CNTLN: variants seen among roughly 807,000 people sequenced by gnomAD.
The protein encoded by CNTLN is centlein, centrosomal protein.
CNTLN carries 212 observed loss-of-function variants against 180.0 expected under a neutral mutation model. The ratio of observed to expected loss-of-function variants is 1.18; its 90% CI spans 1.05 to 1.32. The LOEUF is 1.32. Ranked by LOEUF, CNTLN falls within the 40% of genes most tolerant of loss-of-function variation. CNTLN has a pLI of 0.00. For synonymous variants in CNTLN, 722 were observed against 563.1 expected, an observed-to-expected ratio of 1.28 and a Z score of -3.99; for missense variants, 2,095 against 1,610.9, an observed-to-expected ratio of 1.30 and a Z score of -5.14.
At chr9:17,238,736 C>G (rs550175975) in intron 5 of CNTLN, among the ~76,000 whole-genome samples, 1 of 152,134 alleles carries the variant, frequency 6.6e-6, no homozygotes, top group African/African-American at 2.4e-5. Flanking sequence ...TCTTTTATTA[C>G]TGGGATGTCA....
chr9:17,289,773 T>A lies in CNTLN; in HGVS notation c.984-8417T>A, dbSNP rs556733441. 1.6e-3 allele frequency among the ~76,000 whole-genome samples: 225 copies of A among 144,400 alleles called. 2 individuals carry two copies. The highest frequency in any genetic ancestry group is 6.0e-3 in the African/African-American group (223 of 36,862). 94.7% of individuals were successfully genotyped at this position (144,400 alleles called of 152,430 possible). On this transcript the variant is annotated intron_variant, in intron 6 of 25. Coordinates refer to ENST00000380647, the MANE Select transcript of CNTLN (RefSeq NM_017738.4). ...TTTCATTCATTTCATCTTCCATTGC[T>A]GATACCCTTTCTTCCAGTTGATCGC...
intron 2 of CNTLN, among the ~76,000 whole-genome samples, chr9:17,181,216 G>A (rs946995574): frequency 1.3e-5 from 2 of 152,092 alleles, no homozygotes; most frequent in African/African-American, 2.4e-5. Flanking sequence ...GGTGGTGTTC[G>A]TTTTGTCTAT....
intron 2 of CNTLN, among the ~76,000 whole-genome samples, chr9:17,213,779 C>G (rs977122678): frequency 6.6e-6 from 1 of 152,140 alleles, no homozygotes; most frequent in African/African-American, 2.4e-5. Context: ...GTTAGCTCTT[C>G]TTGTTGAATT....
intron 12 of CNTLN, among the ~76,000 whole-genome samples, chr9:17,343,442 T>C (rs555646409): frequency 6.6e-6 from 1 of 152,292 alleles, no homozygotes; most frequent in African/African-American, 2.4e-5. Flanking sequence ...CATGATAACA[T>C]GTATAACTTT....
chr9:17,330,872 T>TA, intron 9 of CNTLN, 64 bp downstream of exon 9: 2 of 1,428,068 alleles, frequency 1.4e-6, no homozygotes, highest in South Asian at 2.7e-5. Flanking sequence ...GAGATGAAGT[T>TA]AAAAAACAAA....
At chr9:17,458,535 G>C (rs573012384) in intron 19 of CNTLN, among the ~76,000 whole-genome samples, 1 of 152,010 alleles carries the variant, frequency 6.6e-6, no homozygotes, top group African/African-American at 2.4e-5. Flanking sequence ...AATCATCCCT[G>C]TTAGGAGGGT....
At position 17,466,006 on chromosome 9, in the gene CNTLN, C is replaced by T; in HGVS notation, c.3557C>T (p.Ser1186Phe). Residue 1186 changes from serine (S) to phenylalanine (F), a missense_variant, in exon 22 of 26, where the codon TCC (serine) becomes TTC (phenylalanine). By Grantham distance (155) the Ser-to-Phe change is radical (BLOSUM62 -2). Transcript: ENST00000380647. Reference sequence around the variant, plus strand: ...GTAAAGACATTAACTGAAGAATGTTCCAACAAGAAGGTATCAATTGATTCA... The same window carrying T: ...GTAAAGACATTAACTGAAGAATGTTTCAACAAGAAGGTATCAATTGATTCA... ...KKVKTLTEECSNKKVSIDSLK... is the reference protein window; with the variant it reads ...KKVKTLTEECFNKKVSIDSLK... 1.2e-6 allele frequency: 2 copies of T among 1,603,806 alleles called. No individual in the cohort carries two copies. The highest frequency in any genetic ancestry group is 2.2e-5 in the South Asian group (2 of 90,136).
intron 7 of CNTLN, among the ~76,000 whole-genome samples, chr9:17,304,008 T>C (rs1308698952): frequency 1.3e-5 from 2 of 152,322 alleles, no homozygotes; most frequent in Admixed American, 1.3e-4. Flanking sequence ...CCCTTTTTCT[T>C]GCCCTTACAT....
chr9:17,392,537 A>G (rs1224254370), intron 14 of CNTLN, among the ~76,000 whole-genome samples: 1 of 152,170 alleles, frequency 6.6e-6, no homozygotes, highest in African/African-American at 2.4e-5. Context: ...TACATTGAGA[A>G]GGAACAATAC....
intron 5 of CNTLN, among the ~76,000 whole-genome samples, chr9:17,264,922 A>G (rs1827294103): frequency 6.7e-6 from 1 of 149,542 alleles, no homozygotes; most frequent in Non-Finnish European, 1.5e-5. Context: ...GTTGCTCATC[A>G]GCTTAAGGAG....
At chr9:17,411,659 T>G (rs565230699) in intron 16 of CNTLN, among the ~76,000 whole-genome samples, 2 of 152,112 alleles carry the variant, frequency 1.3e-5, no homozygotes, top group Non-Finnish European at 2.9e-5. Flanking sequence ...CATTAGACTC[T>G]CACATAAGCA....
At chr9:17,505,787 G>A (rs1048615295), downstream of CNTLN, among the ~76,000 whole-genome samples, 6 of 152,088 alleles carry the variant, frequency 3.9e-5, no homozygotes, top group African/African-American at 1.4e-4. Flanking sequence ...TTTCTAAAAT[G>A]TATATGGGAA....
At chr9:17,401,376 A>ATT (rs200584503) in intron 15 of CNTLN, among the ~76,000 whole-genome samples, 5 of 147,168 alleles carry the variant, frequency 3.4e-5, no homozygotes, top group African/African-American at 2.5e-5. Context: ...CCATATAGAG[A>ATT]TTTTTTTTTT....
At chr9:17,363,582 TATAAC>T (rs938444452) in intron 12 of CNTLN, among the ~76,000 whole-genome samples, 12 of 151,900 alleles carry the variant, frequency 7.9e-5, no homozygotes, top group African/African-American at 2.2e-4. Flanking sequence ...TTCTTGAAAT[TATAAC>T]ATACATCATT....
chr9:17,285,151 C>T (rs1476555611), intron 6 of CNTLN, among the ~76,000 whole-genome samples: 3 of 110,678 alleles, frequency 2.7e-5, no homozygotes, highest in African/African-American at 1.0e-4. Context: ...CTATCCCTCC[C>T]CCCTCCCCCC....
At chr9:17,265,907 C>T (rs184941130) in intron 5 of CNTLN, among the ~76,000 whole-genome samples, 211 of 151,848 alleles carry the variant, frequency 1.4e-3, no homozygotes, top group African/African-American at 4.8e-3. Flanking sequence ...TTTTTTATTG[C>T]ATCTATTTGA....
intron 18 of CNTLN, among the ~76,000 whole-genome samples, chr9:17,417,592 T>C (rs1828364492): frequency 6.6e-6 from 1 of 152,030 alleles, no homozygotes; most frequent in Non-Finnish European, 1.5e-5. Context: ...CAGAGGAAAA[T>C]TATAAAAGAT....
intron 8 of CNTLN, among the ~76,000 whole-genome samples, chr9:17,318,991 T>C (rs1039871299): frequency 1.3e-5 from 2 of 152,160 alleles, no homozygotes; most frequent in Admixed American, 6.5e-5. Flanking sequence ...ATCTTATAGA[T>C]AGGAATGCAG....
chr9:17,365,179 C>T lies in CNTLN; in HGVS notation c.1887-1438C>T, dbSNP rs549793826. Among the ~76,000 whole-genome samples, 7 of 152,222 alleles carry T rather than the reference C, an allele frequency of 4.6e-5. No individual in the cohort carries two copies. The East Asian group carries it at 5.8e-4, about 13-fold the overall frequency. On this transcript the variant is annotated intron_variant, in intron 12 of 25. Coordinates refer to ENST00000380647, the MANE Select transcript of CNTLN (RefSeq NM_017738.4). ...GTGAGAGGTGACTTGATCATGTGGG[C>T]GGACTTCCCCCTTGCTGTTCCATTG...
Sources: gnomAD v4.1 joint callset for allele counts (sites outside exome capture counted in the v4.1 genomes callset) on GRCh38, gnomAD v4.1.1 for gene constraint, MANE v1.5 for transcripts, NCBI Gene and HGNC (gene_info 2026-07-23, HGNC 2026-07-21) for gene names.